ARF1: variants seen among roughly 807,000 people sequenced by gnomAD.
ARF1 encodes ADP-ribosylation factor 1.
Under a neutral mutation model 18.0 loss-of-function variants are expected in ARF1, and 1 was observed. The ratio of observed to expected loss-of-function variants is 0.06; its 90% CI spans 0.02 to 0.26. The LOEUF is 0.26. Among genes scored for constraint, ARF1 ranks in the 10% least tolerant of loss-of-function variants. The pLI is 1.00. For synonymous variants in ARF1, 112 were observed against 96.3 expected, an observed-to-expected ratio of 1.16 and a Z score of -0.95; for missense variants, 73 against 247.2, an observed-to-expected ratio of 0.30 and a Z score of 4.73.
At chr1:228,094,981 A>G (rs1358925588) in intron 1 of ARF1, among the ~76,000 whole-genome samples, 3 of 152,090 alleles carry the variant, frequency 2.0e-5, no homozygotes, top group African/African-American at 7.2e-5. Context: ...TGGAACAGGG[A>G]AAAATTTCAC....
chr1:228,095,530 T>C (rs546263867), intron 1 of ARF1, among the ~76,000 whole-genome samples: 43 of 152,320 alleles, frequency 2.8e-4, no homozygotes, highest in South Asian at 2.3e-3. Flanking sequence ...TGGGGGTTTT[T>C]GTTTTGGTTT....
intron 1 of ARF1, among the ~76,000 whole-genome samples, chr1:228,093,624 T>TAAAAA (rs11420776): frequency 7.2e-6 from 1 of 138,780 alleles, no homozygotes. Flanking sequence ...TTTGGTCTGT[T>TAAAAA]AAAAAAAAAA....
chr1:228,096,965 C>T (rs763343229), intron 1 of ARF1, 113 bp from the exon 2 acceptor site: 44 of 995,524 alleles, frequency 4.4e-5, no homozygotes, highest in Non-Finnish European at 6.0e-5. Flanking sequence ...CCCTGTTTCC[C>T]TGCAGGCTTC....
In ARF1 at chr1:228,097,021, C is replaced by G; in HGVS notation, c.-37-57C>G. ...TGGTGCATCCCTGGGTGGGTGGGTT[C>G]TGAGCAACCACTGCTGGGCAGCACA... On this transcript the variant is annotated intron_variant, in intron 1 of 4. Transcript: ENST00000272102. This position sits in a 1 kb window ranked among gnomAD's most constrained non-coding sequence, Gnocchi z 8.1. 6.8e-7 allele frequency: 1 copy of G among 1,471,960 alleles called. No individual in the cohort carries two copies. The highest frequency in any genetic ancestry group is 1.4e-5 in the South Asian group (1 of 72,702). 91.2% of individuals were successfully genotyped at this position (1,471,960 alleles called of 1,614,324 possible).
chr1:228,091,589 G>A (rs2032578673), intron 1 of ARF1, among the ~76,000 whole-genome samples: 1 of 152,060 alleles, frequency 6.6e-6, no homozygotes, highest in African/African-American at 2.4e-5. Context: ...GAGTGTCTCG[G>A]TCATGTGTCT....
In ARF1 at chr1:228,089,522, G is replaced by C. The variant is rs1223565374; in HGVS notation, c.-38+6757G>C. On this transcript the variant is annotated intron_variant, in intron 1 of 4. Transcript: ENST00000272102. This position sits in a 1 kb window ranked among gnomAD's most constrained non-coding sequence, Gnocchi z 4.1. ...GATTTCTCTGGAAGAGCAAGTCTTT[G>C]TGTGGTGTTTCCCCTCAGCCTACAT... Among the ~76,000 whole-genome samples the C allele has an allele frequency of 6.6e-6, 1 of 152,228 alleles. No homozygotes were observed. The highest frequency in any genetic ancestry group is 2.4e-5 in the African/African-American group (1 of 41,460).
At chr1:228,083,175 G>A (rs2032273885) in intron 1 of ARF1, 1 of 152,164 alleles carries the variant, frequency 6.6e-6, no homozygotes, top group South Asian at 2.1e-4. Context: ...GTTGGGATTA[G>A]CGGCCGCGGG....
At chr1:228,088,190 C>G (rs1317996200) in intron 1 of ARF1, 2 of 152,370 alleles carry the variant, frequency 1.3e-5, no homozygotes, top group Non-Finnish European at 2.9e-5. Context: ...CCAGGACCAT[C>G]CGGAAGGGGC....
chr1:228,087,161 G>A (rs1472876073), intron 1 of ARF1, among the ~76,000 whole-genome samples: 1 of 152,170 alleles, frequency 6.6e-6, no homozygotes, highest in Non-Finnish European at 1.5e-5. Flanking sequence ...TTTCCAAAGG[G>A]CTTCCAGTGG....
In ARF1 at chr1:228,082,877, C is replaced by G. The variant is rs918896983; in HGVS notation, c.-38+112C>G. 3 of 152,498 alleles carry G rather than the reference C, an allele frequency of 2.0e-5. No homozygotes were observed. The highest frequency in any genetic ancestry group is 7.3e-5 in the African/African-American group (3 of 41,296). 9.4% of individuals were successfully genotyped at this position (152,498 alleles called of 1,614,324 possible). A position where few individuals can be genotyped will look rare whatever the true frequency, so the allele number is the denominator to read the frequency against. ...TTCGCGAAGGGCACGTCGACCCCCG[C>G]GGCGGCGGCGGCGACAGGGCCGGGC... is the stretch of plus-strand genomic sequence containing the variant. On this transcript the variant is annotated intron_variant, in intron 1 of 4. Coordinates refer to ENST00000272102, the MANE Select transcript of ARF1 (RefSeq NM_001658.4). This position sits in a 1 kb window ranked among gnomAD's most constrained non-coding sequence, Gnocchi z 6.1.
At position 228,098,317 on chromosome 1, in the gene ARF1, G is replaced by A; in HGVS notation, c.*304G>A. The A allele has an allele frequency of 4.3e-6, 1 of 232,582 alleles. No homozygotes were observed. The highest frequency in any genetic ancestry group is 8.2e-6 in the Non-Finnish European group (1 of 121,224). 14.4% of individuals were successfully genotyped at this position (232,582 alleles called of 1,614,324 possible). ...GGGGATGTAGGCCCATGGGCACCTG[G>A]CCTCCAGGAGTCGCTGTGTTGGGAG... On this transcript the variant is annotated 3_prime_UTR_variant, in exon 5 of 5. Transcript: ENST00000272102.
At chr1:228,084,282 T>TA (rs1419642048) in intron 1 of ARF1, among the ~76,000 whole-genome samples, 1 of 152,242 alleles carries the variant, frequency 6.6e-6, no homozygotes, top group African/African-American at 2.4e-5. Flanking sequence ...TTGAGTAGTG[T>TA]AAATGTTAGT....
rs2032848219 is a variant in ARF1 at position 228,098,718 on chromosome 1, A to T, written c.*705A>T. The stretch of plus-strand genomic sequence containing the variant: ...GCCCACAGCCACCCCACTATGCCGC[A>T]GGCCGCCCTACCCACCTTCAGGCAG... On this transcript the variant is annotated 3_prime_UTR_variant, in exon 5 of 5. Transcript: ENST00000272102. 1 of 152,696 alleles carries T rather than the reference A, an allele frequency of 6.5e-6. No individual in the cohort carries two copies. Among genetic ancestry groups the T allele is most frequent in the Non-Finnish European group, 1.5e-5 (1 of 68,072 alleles). 9.5% of individuals were successfully genotyped at this position (152,696 alleles called of 1,614,324 possible).
Position 228,089,201 on chromosome 1 carries a change from G to T in ARF1, c.-38+6436G>T, listed in dbSNP as rs2032495513. ...AGAAATGTGGGGTCGTTGTGTAGGG[G>T]CCACCATCACCTGGAGAGCAGGGCA... is the stretch of plus-strand genomic sequence containing the variant. On this transcript the variant is annotated intron_variant, in intron 1 of 4. Coordinates refer to ENST00000272102, the MANE Select transcript of ARF1 (RefSeq NM_001658.4). The surrounding 1 kb of genome is among the most constrained non-coding windows in gnomAD (Gnocchi z 4.1). Among the ~76,000 whole-genome samples the T allele has an allele frequency of 6.6e-6, 1 of 152,076 alleles. No homozygotes were observed. The highest frequency in any genetic ancestry group is 6.5e-5 in the Admixed American group (1 of 15,286).
At chr1:228,095,006 C>T (rs2032694880) in intron 1 of ARF1, among the ~76,000 whole-genome samples, 1 of 152,140 alleles carries the variant, frequency 6.6e-6, no homozygotes, top group African/African-American at 2.4e-5. Context: ...TAATTTCGTA[C>T]GTTCTTTCTT....
intron 1 of ARF1, chr1:228,096,429 A>T (rs961491720): frequency 1.3e-5 from 2 of 152,296 alleles, no homozygotes; most frequent in African/African-American, 4.8e-5. Context: ...GCCAAAGCCT[A>T]ACAACTTCAG....
rs906556842 is a variant in ARF1, at chr1:228,082,820, G to A, written c.-38+55G>A. The A allele has an allele frequency of 3.3e-5, 5 of 152,490 alleles. No homozygotes were observed. The East Asian group carries it at 9.7e-4, about 30-fold the overall frequency. The allele number at this position is 152,490 out of a possible 1,614,324, so 9.4% of individuals were successfully genotyped here. A position where few individuals can be genotyped will look rare whatever the true frequency, so the allele number is the denominator to read the frequency against. ...GCCGCAGAGACGTTGGAGCCGGCGG[G>A]GGCTGGGGACTGGCCTCGGGGCGAC... On this transcript the variant is annotated intron_variant, in intron 1 of 4. Transcript: ENST00000272102. This position sits in a 1 kb window ranked among gnomAD's most constrained non-coding sequence, Gnocchi z 6.1.
chr1:228,096,369 T>TGTTC (rs1290738525), intron 1 of ARF1: 1 of 152,272 alleles, frequency 6.6e-6, no homozygotes, highest in Non-Finnish European at 1.5e-5. Flanking sequence ...CTAAAGTCCC[T>TGTTC]GTTCGGGATA....
rs542190911 is a variant in ARF1, at chr1:228,089,582, A to G, written c.-38+6817A>G. ...GAACGTTTCTTGAAGGCAGAAATCA[A>G]GTTTTAGGCATTGGCTCAATCACTG... is the stretch of plus-strand genomic sequence containing the variant. On this transcript the variant is annotated intron_variant, in intron 1 of 4. Transcript: ENST00000272102. The surrounding 1 kb of genome is among the most constrained non-coding windows in gnomAD (Gnocchi z 4.1). Among the ~76,000 whole-genome samples the G allele has an allele frequency of 2.0e-5, 3 of 152,322 alleles. No homozygotes were observed. The East Asian group carries it at 5.8e-4, about 29-fold the overall frequency.
Sources: gnomAD v4.1 joint callset for allele counts (sites outside exome capture counted in the v4.1 genomes callset) on GRCh38, gnomAD v4.1.1 for gene constraint, Gnocchi (gnomAD v3.1) non-coding constraint, MANE v1.5 for transcripts, NCBI Gene and HGNC (gene_info 2026-07-23, HGNC 2026-07-21) for gene names.